PVT1: variants seen among roughly 807,000 people sequenced by gnomAD.
PVT1 encodes Pvt1 oncogene.
At chr8:127,861,807 C>A (rs1815232278) in intron 2 of PVT1, among the ~76,000 whole-genome samples, 1 of 152,190 alleles carries the variant, frequency 6.6e-6, no homozygotes, top group African/African-American at 2.4e-5. Context: ...GTACTGGGCG[C>A]ATGTTGCCTG....
chr8:128,059,174 C>T (rs146500139), intron 4 of PVT1, among the ~76,000 whole-genome samples: 1,525 of 152,284 alleles, frequency 0.01, 17 homozygotes, highest in Non-Finnish European at 0.013. Flanking sequence ...CTTCTTTTCT[C>T]GCCTGAGTCC....
At chr8:127,999,890 A>T (rs569141983) in intron 4 of PVT1, among the ~76,000 whole-genome samples, 1 of 152,368 alleles carries the variant, frequency 6.6e-6, no homozygotes, top group African/African-American at 2.4e-5. Context: ...ACTTTTCCCT[A>T]TGGTCAATGT....
chr8:127,889,035 T>TCCTC (rs1554594526), intron 2 of PVT1, among the ~76,000 whole-genome samples: 3 of 100,494 alleles, frequency 3.0e-5, no homozygotes, highest in African/African-American at 1.1e-4. Context: ...TTTCTCTCTT[T>TCCTC]CTTTCTTCCT....
chr8:127,806,171 C>CA (rs547598805), intron 2 of PVT1, among the ~76,000 whole-genome samples: 38 of 152,090 alleles, frequency 2.5e-4, no homozygotes, highest in Admixed American at 8.5e-4. Flanking sequence ...TCATAGAAAG[C>CA]AAAGTAGATG....
Position 127,898,084 on chromosome 8 carries a change from A to G in PVT1, n.782+7086A>G, listed in dbSNP as rs1334481173. Among the ~76,000 whole-genome samples the G allele has an allele frequency of 6.6e-6, 1 of 150,410 alleles. No individual in the cohort carries two copies. The highest frequency in any genetic ancestry group is 6.6e-5 in the Admixed American group (1 of 15,144). ...GAAGAAAGAAAAGAAAAGAAAGAAA[A>G]GGGAAGGAAGGAAGGAAAGAAGGAA... On this transcript the variant is annotated intron_variant and non_coding_transcript_variant, in intron 3 of 10. Transcript: ENST00000651587. This position sits in a 1 kb window ranked among gnomAD's most constrained non-coding sequence, Gnocchi z 4.4.
chr8:128,069,928 C>T (rs1813963534), intron 4 of PVT1, among the ~76,000 whole-genome samples: 1 of 152,104 alleles, frequency 6.6e-6, no homozygotes, highest in South Asian at 2.1e-4. Context: ...CAGCCACTTG[C>T]CTCCTCTGTT....
At chr8:128,005,369 T>G (rs1023810221) in intron 4 of PVT1, among the ~76,000 whole-genome samples, 6 of 152,224 alleles carry the variant, frequency 3.9e-5, no homozygotes, top group Admixed American at 2.6e-4. Flanking sequence ...TGGACACCCC[T>G]GTCTTAGACT....
At chr8:127,849,629 ACAGCC>A (rs1815081498) in intron 2 of PVT1, among the ~76,000 whole-genome samples, 1 of 151,716 alleles carries the variant, frequency 6.6e-6, no homozygotes, top group African/African-American at 2.4e-5. Flanking sequence ...GCATGGGTGC[ACAGCC>A]TGTACATATG....
chr8:128,001,536 G>GC (rs1052128419), intron 4 of PVT1, among the ~76,000 whole-genome samples: 1 of 152,028 alleles, frequency 6.6e-6, no homozygotes, highest in Admixed American at 6.6e-5. Flanking sequence ...CTCGCCATTG[G>GC]CCCCCACCAG....
At chr8:127,867,311 G>A (rs921222836) in intron 2 of PVT1, among the ~76,000 whole-genome samples, 19 of 152,334 alleles carry the variant, frequency 1.2e-4, no homozygotes, top group African/African-American at 4.6e-4. Context: ...CCTTTTTTGT[G>A]CAAAGGAGAC....
chr8:128,062,107 G>C (rs1813838652), intron 4 of PVT1, among the ~76,000 whole-genome samples: 1 of 152,196 alleles, frequency 6.6e-6, no homozygotes, highest in Admixed American at 6.5e-5. Context: ...ACAGGGGAGT[G>C]AAAAGGAGGC....
intron 5 of PVT1, among the ~76,000 whole-genome samples, chr8:128,092,845 T>A (rs2648900): frequency 1 from 152,237 of 152,238 alleles, 76,118 homozygotes; most frequent in Middle Eastern, 1. Flanking sequence ...CCAACCTAAA[T>A]ACTTTTGCAC....
intron 2 of PVT1, among the ~76,000 whole-genome samples, chr8:127,806,863 A>G (rs868341023): frequency 3.9e-5 from 6 of 152,132 alleles, no homozygotes; most frequent in Non-Finnish European, 7.4e-5. Context: ...ATGTTGTTCT[A>G]TGCATCAGGG....
At chr8:128,047,974 T>C (rs1385167851) in intron 4 of PVT1, among the ~76,000 whole-genome samples, 6 of 152,164 alleles carry the variant, frequency 3.9e-5, no homozygotes, top group Admixed American at 3.9e-4. Context: ...AAGAGCAAAG[T>C]CAACCTTAAC....
At chr8:128,044,015 AT>A (rs763124076) in intron 4 of PVT1, among the ~76,000 whole-genome samples, 77,498 of 127,282 alleles carry the variant, frequency 0.61, 21,712 homozygotes, top group East Asian at 0.73. Context: ...TTATTTATTT[AT>A]TTTTTTTTTT....
chr8:127,903,572 T>C (rs1315503359), intron 3 of PVT1, among the ~76,000 whole-genome samples: 1 of 152,196 alleles, frequency 6.6e-6, no homozygotes, highest in East Asian at 1.9e-4. Flanking sequence ...AAGTCTTAAG[T>C]CTTTAATCCA....
At chr8:127,934,669 A>C (rs1392292189) in intron 3 of PVT1, among the ~76,000 whole-genome samples, 2 of 151,572 alleles carry the variant, frequency 1.3e-5, no homozygotes, top group Non-Finnish European at 1.5e-5. Flanking sequence ...ACATTTGTTT[A>C]CATGTTCCCT....
chr8:127,878,594 C>T (rs1815431095), intron 2 of PVT1, among the ~76,000 whole-genome samples: 1 of 152,162 alleles, frequency 6.6e-6, no homozygotes, highest in Admixed American at 6.5e-5. Flanking sequence ...GTCTTCCTGT[C>T]TGCCTCTCTT....
chr8:127,920,498 A>G (rs1467499143), intron 3 of PVT1, among the ~76,000 whole-genome samples: 1 of 152,206 alleles, frequency 6.6e-6, no homozygotes, highest in Non-Finnish European at 1.5e-5. Context: ...CCCACCTTCT[A>G]AAGTGATTAT....
Sources: allele counts gnomAD v4.1 joint callset (sites outside exome capture counted in the v4.1 genomes callset), GRCh38; gene constraint gnomAD v4.1.1; non-coding constraint Gnocchi (gnomAD v3.1); transcripts MANE v1.5; gene names NCBI Gene and HGNC (gene_info 2026-07-23, HGNC 2026-07-21).